The following CCDC192 variants were observed in gnomAD, a reference collection of about 807,000 sequenced individuals.
CCDC192 encodes the protein coiled-coil domain-containing protein 192.
chr5:127,842,191 A>G (rs1057017249), intron 5 of CCDC192, among the ~76,000 whole-genome samples: 1 of 152,172 alleles, frequency 6.6e-6, no homozygotes, highest in Non-Finnish European at 1.5e-5. Context: ...TGCTATCCCC[A>G]TCTTGAAATT....
At chr5:127,748,696 G>A (rs1753935186) in intron 2 of CCDC192, among the ~76,000 whole-genome samples, 1 of 141,968 alleles carries the variant, frequency 7.0e-6, no homozygotes, top group East Asian at 2.1e-4. Context: ...AATTACCTTG[G>A]GCAGTATGGC....
intron 3 of CCDC192, among the ~76,000 whole-genome samples, chr5:127,796,684 A>G (rs1045672688): frequency 6.6e-6 from 1 of 152,094 alleles, no homozygotes; most frequent in Non-Finnish European, 1.5e-5. Flanking sequence ...AGGAGTCAGA[A>G]CTCCCACTCT....
At chr5:127,921,281 A>T (rs1753713533) in intron 6 of CCDC192, among the ~76,000 whole-genome samples, 1 of 152,046 alleles carries the variant, frequency 6.6e-6, no homozygotes, top group African/African-American at 2.4e-5. Flanking sequence ...AAGGAAGGAA[A>T]GGAAAAAAGA....
chr5:127,932,088 A>T, intron 6 of CCDC192, among the ~76,000 whole-genome samples: 2 of 147,130 alleles, frequency 1.4e-5, no homozygotes, highest in African/African-American at 2.5e-5. Context: ...TGGGAGGCAG[A>T]GGTTGCAGTG....
intron 2 of CCDC192, among the ~76,000 whole-genome samples, chr5:127,744,482 C>T (rs1024999376): frequency 2.6e-5 from 4 of 152,146 alleles, no homozygotes; most frequent in Non-Finnish European, 5.9e-5. Flanking sequence ...TGCTGGAACC[C>T]TGACATATTA....
chr5:127,865,114 T>C (rs1444313951), intron 5 of CCDC192, among the ~76,000 whole-genome samples: 2 of 152,126 alleles, frequency 1.3e-5, no homozygotes, highest in South Asian at 4.1e-4. Context: ...GACACTGCAC[T>C]CCAGCCTGGG....
At chr5:127,781,229 A>G (rs1756200353) in intron 3 of CCDC192, among the ~76,000 whole-genome samples, 1 of 152,106 alleles carries the variant, frequency 6.6e-6, no homozygotes, top group African/African-American at 2.4e-5. Context: ...TTTGGTGACT[A>G]TGGCCTTATA....
chr5:127,765,918 C>T (rs1314990495), intron 3 of CCDC192, among the ~76,000 whole-genome samples: 2 of 152,074 alleles, frequency 1.3e-5, no homozygotes, highest in Non-Finnish European at 2.9e-5. Context: ...CTTCCTGATC[C>T]CCAGTATTTG....
intron 6 of CCDC192, among the ~76,000 whole-genome samples, chr5:127,896,326 T>C (rs1013239422): frequency 1.1e-4 from 17 of 152,182 alleles, no homozygotes; most frequent in Non-Finnish European, 2.9e-5. Context: ...TTTCACATTT[T>C]CAATTCTCAT....
intron 3 of CCDC192, among the ~76,000 whole-genome samples, chr5:127,789,615 G>C (rs1756750820): frequency 6.6e-6 from 1 of 152,220 alleles, no homozygotes; most frequent in African/African-American, 2.4e-5. Context: ...AGATTGGTAT[G>C]GGTGTGAAAC....
chr5:127,742,169 T>G (rs1753456570), intron 2 of CCDC192, among the ~76,000 whole-genome samples: 2 of 152,216 alleles, frequency 1.3e-5, no homozygotes, highest in Admixed American at 6.5e-5. Flanking sequence ...TGAATTGAAT[T>G]GCTTTGAGCT....
At chr5:127,930,027 A>G (rs1753974887) in intron 6 of CCDC192, among the ~76,000 whole-genome samples, 1 of 152,114 alleles carries the variant, frequency 6.6e-6, no homozygotes, top group Non-Finnish European at 1.5e-5. Flanking sequence ...GACATGATAA[A>G]ATCCCATCTC....
chr5:127,735,268 T>C (rs1186112894), intron 2 of CCDC192, among the ~76,000 whole-genome samples: 2 of 115,188 alleles, frequency 1.7e-5, no homozygotes, highest in Non-Finnish European at 3.4e-5. Flanking sequence ...GAGGGCTCTG[T>C]TCTGTTCCAT....
At chr5:127,865,931 A>C (rs1333619318) in intron 5 of CCDC192, among the ~76,000 whole-genome samples, 1 of 152,126 alleles carries the variant, frequency 6.6e-6, no homozygotes, top group Non-Finnish European at 1.5e-5. Flanking sequence ...ACAGGATAGA[A>C]TTGTAGTGGC....
At chr5:127,719,923 C>T (rs867154948) in intron 2 of CCDC192, among the ~76,000 whole-genome samples, 2 of 151,918 alleles carry the variant, frequency 1.3e-5, no homozygotes, top group Admixed American at 6.6e-5. Flanking sequence ...GTCCACCCCC[C>T]GATCCAATCA....
chr5:127,912,014 C>T (rs961327868), intron 6 of CCDC192, among the ~76,000 whole-genome samples: 3 of 151,836 alleles, frequency 2.0e-5, no homozygotes, highest in Admixed American at 6.6e-5. Context: ...CTCTGCCTCC[C>T]AGGTTCAAGC....
At chr5:127,778,604 G>A (rs1025321862) in intron 3 of CCDC192, among the ~76,000 whole-genome samples, 1 of 152,146 alleles carries the variant, frequency 6.6e-6, no homozygotes, top group Non-Finnish European at 1.5e-5. Context: ...TTTAGTATTA[G>A]GGTAACATAT....
intron 6 of CCDC192, among the ~76,000 whole-genome samples, chr5:127,904,845 G>A (rs1580813072): frequency 6.6e-6 from 1 of 152,070 alleles, no homozygotes; most frequent in African/African-American, 2.4e-5. Context: ...TGCATCACCT[G>A]CCTTTCCCAG....
intron 1 of CCDC192, among the ~76,000 whole-genome samples, chr5:127,703,755 TG>T (rs2126764324): frequency 6.6e-6 from 1 of 152,270 alleles, no homozygotes; most frequent in Non-Finnish European, 1.5e-5. Flanking sequence ...GTCCCTTACT[TG>T]GTCTTCTAAA....
Sources: gnomAD v4.1 joint callset for allele counts (sites outside exome capture counted in the v4.1 genomes callset) on GRCh38, gnomAD v4.1.1 for gene constraint, MANE v1.5 for transcripts, NCBI Gene and HGNC (gene_info 2026-07-23, HGNC 2026-07-21) for gene names.